The following IFI27L1 variants were observed in gnomAD, a reference collection of about 807,000 sequenced individuals.
IFI27L1 encodes interferon alpha-inducible protein 27-like protein 1.
A neutral mutation model predicts 9.2 loss-of-function variants in IFI27L1; 3 were observed. That is an observed-to-expected ratio of 0.32 (90% CI 0.15 to 0.84). The LOEUF (loss-of-function observed/expected upper bound fraction) is 0.84. IFI27L1 is among the 40% of genes least tolerant of loss of function. IFI27L1 has a pLI of 0.56. For missense variants in IFI27L1, 133 were observed against 134.2 expected, an observed-to-expected ratio of 0.99 and a Z score of 0.05; for synonymous variants, 53 against 50.0, an observed-to-expected ratio of 1.06 and a Z score of -0.26.
intron 1 of IFI27L1, among the ~76,000 whole-genome samples, chr14:94,091,694 A>T (rs1003126483): frequency 8.4e-5 from 12 of 142,090 alleles, no homozygotes; most frequent in Non-Finnish European, 4.6e-5. Context: ...ACAATAACTC[A>T]GAATTTTTTA....
At chr14:94,091,354 A>G (rs1314335616) in intron 1 of IFI27L1, among the ~76,000 whole-genome samples, 2 of 152,266 alleles carry the variant, frequency 1.3e-5, no homozygotes, top group African/African-American at 4.8e-5. Flanking sequence ...AACTATTAGT[A>G]GCATACACTA....
intron 1 of IFI27L1, among the ~76,000 whole-genome samples, chr14:94,095,311 A>G (rs1886629112): frequency 6.6e-6 from 1 of 152,008 alleles, no homozygotes; most frequent in Middle Eastern, 3.4e-3. Flanking sequence ...AACTGGGATT[A>G]TAGGTGCCAG....
intron 1 of IFI27L1, among the ~76,000 whole-genome samples, chr14:94,095,660 G>A (rs60182084): frequency 0.026 from 3,948 of 152,182 alleles, 166 homozygotes; most frequent in African/African-American, 0.091. Flanking sequence ...GTGAGAGGAG[G>A]AGGTACCAGC....
rs112907202 is a variant in IFI27L1, at chr14:94,088,983, G to A, written c.-52+7534G>A. 4.1e-3 allele frequency: 631 copies of A among 152,182 alleles called. 3 individuals carry two copies. Among genetic ancestry groups the A allele is most frequent in the African/African-American group, 0.014 (594 of 41,516 alleles). The allele number at this position is 152,182 out of a possible 1,614,324, so 9.4% of individuals were successfully genotyped here. ...TCATGATAAATCCATTTTTCACCAC[G>A]AGGGACTTTGTTCATGGTGTTTTTT... is the stretch of plus-strand genomic sequence containing the variant. On this transcript the variant is annotated intron_variant, in intron 1 of 4. Transcript: ENST00000555523.
chr14:94,101,044 C>T (rs1886876476), intron 3 of IFI27L1: 1 of 590,092 alleles, frequency 1.7e-6, no homozygotes, highest in Non-Finnish European at 3.0e-6. Context: ...GGAGCAGTCA[C>T]AGCCCGGGAT....
chr14:94,099,202 G>A (rs908206736), intron 2 of IFI27L1, among the ~76,000 whole-genome samples: 1 of 152,188 alleles, frequency 6.6e-6, no homozygotes, highest in East Asian at 1.9e-4. Context: ...GGCGGCAGGC[G>A]CACAAGTGGG....
chr14:94,097,556 G>C, intron 2 of IFI27L1: 1 of 696,264 alleles, frequency 1.4e-6, no homozygotes, highest in Admixed American at 2.0e-5. Context: ...ACTTGGGCCA[G>C]AGCAGAGGCA....
At chr14:94,093,651 G>A (rs76420294) in intron 1 of IFI27L1, among the ~76,000 whole-genome samples, 2,812 of 152,224 alleles carry the variant, frequency 0.018, 88 homozygotes, top group Middle Eastern at 0.061. Context: ...TCTGACCAGG[G>A]GCCCTGGTTG....
At chr14:94,096,626 A>G (rs1278835297) in intron 1 of IFI27L1, among the ~76,000 whole-genome samples, 1 of 150,722 alleles carries the variant, frequency 6.6e-6, no homozygotes, top group Non-Finnish European at 1.5e-5. Context: ...CCTGGGAGGC[A>G]GAGGTTGCAG....
At position 94,092,601 on chromosome 14, in the gene IFI27L1, A is replaced by G. The variant is rs540942843; in HGVS notation, c.-51-4286A>G. ...GAGGCAAGATTCTCATAAACCTTTT[A>G]TAACCCTTTACAAATTCTTGTTAAA... is the stretch of plus-strand genomic sequence containing the variant. On this transcript the variant is annotated intron_variant, in intron 1 of 4. Transcript: ENST00000555523. 1.5e-4 allele frequency among the ~76,000 whole-genome samples: 23 copies of G among 152,350 alleles called. 1 individual carries two copies. The South Asian group carries it at 4.1e-3, about 27-fold the overall frequency.
rs528986978 is a variant in IFI27L1 at position 94,098,069 on chromosome 14, AG to A, written c.28+1106del. ...GGGGCTGAATGAGACTGAGAAGGAG[AG>A]GCTAGTATGGCAGGGGGAAATGTGG... On this transcript the variant is annotated intron_variant, in intron 2 of 4. Coordinates refer to ENST00000555523, the MANE Select transcript of IFI27L1 (RefSeq NM_206949.3). Among the ~76,000 whole-genome samples, 294 of 152,224 alleles carry A rather than the reference AG, an allele frequency of 1.9e-3. 2 individuals are homozygous for A. The highest frequency in any genetic ancestry group is 6.7e-3 in the African/African-American group (279 of 41,550).
intron 1 of IFI27L1, among the ~76,000 whole-genome samples, chr14:94,092,015 A>G (rs1886493207): frequency 6.6e-6 from 1 of 151,746 alleles, no homozygotes; most frequent in Non-Finnish European, 1.5e-5. Flanking sequence ...AATCCCAGCT[A>G]CTTGGGAGGC....
chr14:94,084,221 A>G (rs1314481987), intron 1 of IFI27L1, among the ~76,000 whole-genome samples: 5 of 152,314 alleles, frequency 3.3e-5, no homozygotes, highest in Non-Finnish European at 5.9e-5. Context: ...TGTGACTTTA[A>G]CTGGGTGCAG....
At chr14:94,088,267 G>T (rs1303668963) in intron 1 of IFI27L1, 2 of 702,198 alleles carry the variant, frequency 2.8e-6, no homozygotes, top group African/African-American at 3.5e-5. Context: ...CAGAGTCCCA[G>T]GATCCATTTC....
chr14:94,091,451 C>T (rs1886471179), intron 1 of IFI27L1, among the ~76,000 whole-genome samples: 12 of 152,162 alleles, frequency 7.9e-5, no homozygotes, highest in Admixed American at 7.9e-4. Context: ...GAAAGCCAAA[C>T]ACCCAACCAT....
intron 3 of IFI27L1, 171 bp downstream of exon 3, chr14:94,100,942 C>T: frequency 1.4e-6 from 1 of 729,366 alleles, no homozygotes; most frequent in South Asian, 1.6e-5. Flanking sequence ...CAAAGCAAAG[C>T]CATTAAAGGC....
intron 3 of IFI27L1, chr14:94,101,053 A>T: frequency 1.7e-6 from 1 of 582,890 alleles, no homozygotes; most frequent in Non-Finnish European, 3.1e-6. Context: ...ACAGCCCGGG[A>T]TTCCTCCCCG....
At chr14:94,087,645 C>T (rs568986708) in intron 1 of IFI27L1, among the ~76,000 whole-genome samples, 7 of 152,190 alleles carry the variant, frequency 4.6e-5, no homozygotes, top group Admixed American at 3.3e-4. Context: ...CCAGGATGGT[C>T]TCGATCTCCT....
chr14:94,102,067 A>T, intron 4 of IFI27L1, 92 bp downstream of exon 4: 1 of 1,341,940 alleles, frequency 7.5e-7, no homozygotes, highest in Non-Finnish European at 1.1e-6. Flanking sequence ...CAGGTCCGTG[A>T]TCCTCTGCCT....
Sources: allele counts gnomAD v4.1 joint callset (sites outside exome capture counted in the v4.1 genomes callset), GRCh38; gene constraint gnomAD v4.1.1; transcripts MANE v1.5; gene names NCBI Gene and HGNC (gene_info 2026-07-23, HGNC 2026-07-21).